The following PODXL variants were observed in gnomAD, a reference collection of about 807,000 sequenced individuals.
PODXL encodes the protein podocalyxin.
A neutral mutation model predicts 48.9 loss-of-function variants in PODXL; 20 were observed. The ratio of observed to expected loss-of-function variants is 0.41; its 90% CI spans 0.29 to 0.59. The LOEUF is 0.59. Among genes scored for constraint, PODXL ranks in the 20% least tolerant of loss-of-function variants. PODXL has a pLI of 0.31. For synonymous variants in PODXL, 295 were observed against 287.4 expected, an observed-to-expected ratio of 1.03 and a Z score of -0.27; for missense variants, 606 against 675.1, an observed-to-expected ratio of 0.90 and a Z score of 1.13.
chr7:131,507,749 C>T (rs1476420903), intron 5 of PODXL, among the ~76,000 whole-genome samples: 3 of 152,176 alleles, frequency 2.0e-5, no homozygotes, highest in African/African-American at 7.2e-5. Context: ...AAGGGCTGGG[C>T]GGGCACCTGA....
chr7:131,545,438 C>T (rs1027497760), intron 1 of PODXL, among the ~76,000 whole-genome samples: 3 of 152,244 alleles, frequency 2.0e-5, no homozygotes, highest in Non-Finnish European at 4.4e-5. Context: ...TTTTAGTACT[C>T]TAAGTCCCAC....
chr7:131,508,819 A>T (rs909296736), intron 5 of PODXL, 132 bp downstream of exon 5: 4 of 734,598 alleles, frequency 5.4e-6, no homozygotes, highest in Non-Finnish European at 9.8e-6. Context: ...CTAGGAAGAA[A>T]TGAGGGCCGG....
intron 1 of PODXL, among the ~76,000 whole-genome samples, chr7:131,523,466 A>T (rs1798120969): frequency 6.6e-6 from 1 of 151,966 alleles, no homozygotes; most frequent in South Asian, 2.1e-4. Context: ...GCAGATCACG[A>T]GGTCAGGAGA....
intron 1 of PODXL, among the ~76,000 whole-genome samples, chr7:131,553,550 G>A (rs542882733): frequency 3.3e-5 from 5 of 152,282 alleles, no homozygotes; most frequent in East Asian, 1.9e-4. Flanking sequence ...ATATATACTC[G>A]CTCATCTTCA....
chr7:131,534,179 C>T (rs981523499), intron 1 of PODXL, among the ~76,000 whole-genome samples: 1 of 152,142 alleles, frequency 6.6e-6, no homozygotes, highest in African/African-American at 2.4e-5. Context: ...TCTGCCCAGA[C>T]CCATGTGGCT....
chr7:131,556,123 C>G, intron 1 of PODXL, 137 bp downstream of exon 1: 5 of 1,208,336 alleles, frequency 4.1e-6, no homozygotes, highest in Non-Finnish European at 5.3e-6. Context: ...AAGGTCAGGG[C>G]TCCGTGTGTG....
chr7:131,541,555 G>C (rs1798481746), intron 1 of PODXL, among the ~76,000 whole-genome samples: 7 of 151,976 alleles, frequency 4.6e-5, no homozygotes, highest in Admixed American at 4.6e-4. Context: ...GCTTGGTGGT[G>C]GGCGTCTCTA....
At chr7:131,533,269 C>G in intron 1 of PODXL, among the ~76,000 whole-genome samples, 1 of 152,174 alleles carries the variant, frequency 6.6e-6, no homozygotes, top group Admixed American at 6.5e-5. Context: ...ACCCTGGCAG[C>G]TGTGAGACTT....
chr7:131,510,447 T>G (rs1384991723), intron 2 of PODXL, 116 bp from the exon 3 acceptor site: 1 of 272,790 alleles, frequency 3.7e-6, no homozygotes, highest in Admixed American at 5.2e-5. Flanking sequence ...GAGGTGGAGG[T>G]TGCAGTGAGC....
intron 7 of PODXL, 105 bp from the exon 8 acceptor site, chr7:131,506,140 C>CA: frequency 6.5e-7 from 1 of 1,542,186 alleles, no homozygotes; most frequent in Admixed American, 1.7e-5. Flanking sequence ...GTCCGTGCCG[C>CA]CGCCCTCTTC....
chr7:131,549,114 C>T (rs1798629302), intron 1 of PODXL, among the ~76,000 whole-genome samples: 1 of 152,036 alleles, frequency 6.6e-6, no homozygotes, highest in South Asian at 2.1e-4. Context: ...GTGACGAGTG[C>T]TATGGAGAAA....
intron 3 of PODXL, among the ~76,000 whole-genome samples, chr7:131,509,887 A>T (rs1406044733): frequency 6.6e-6 from 1 of 152,228 alleles, no homozygotes; most frequent in Non-Finnish European, 1.5e-5. Flanking sequence ...ATAAACAAGG[A>T]AACTGAGGCT....
intron 1 of PODXL, among the ~76,000 whole-genome samples, chr7:131,523,696 A>C: frequency 9.7e-6 from 1 of 103,626 alleles, no homozygotes; most frequent in South Asian, 3.1e-4. Flanking sequence ...AAAAAAAAAA[A>C]AAAAAACAAG....
At chr7:131,544,968 C>G (rs903495125) in intron 1 of PODXL, among the ~76,000 whole-genome samples, 2 of 152,140 alleles carry the variant, frequency 1.3e-5, no homozygotes, top group African/African-American at 2.4e-5. Flanking sequence ...CTGGAATCCC[C>G]TTCTCCAAGC....
At chr7:131,550,799 ACG>A (rs947019225) in intron 1 of PODXL, among the ~76,000 whole-genome samples, 9 of 151,178 alleles carry the variant, frequency 6.0e-5, no homozygotes, top group African/African-American at 2.0e-4. Flanking sequence ...ACACACACAC[ACG>A]CACACACACG....
At position 131,506,881 on chromosome 7, in the gene PODXL, A is replaced by G; in HGVS notation, c.1102-155T>C. 4.1e-6 allele frequency: 3 copies of G among 726,272 alleles called. No individual in the cohort carries two copies. The South Asian group carries it at 5.2e-5, about 13-fold the overall frequency. The allele number at this position is 726,272 out of a possible 1,614,324, so 45.0% of individuals were successfully genotyped here. A position where few individuals can be genotyped will look rare whatever the true frequency, so the allele number is the denominator to read the frequency against. On this transcript the variant is annotated intron_variant, in intron 5 of 8. Transcript: ENST00000378555. Reference sequence around the variant, plus strand: ...AGCTGGTGCTCCACGCAGGCCTGCCAGGAATCAAGGGTTGCATGCTGTTCT... The same window carrying G: ...AGCTGGTGCTCCACGCAGGCCTGCCGGGAATCAAGGGTTGCATGCTGTTCT...
rs564405548 is a variant in PODXL, at chr7:131,508,912, G to T, written c.1101+39C>A. On this transcript the variant is annotated intron_variant, in intron 5 of 8. Coordinates refer to ENST00000378555, the MANE Select transcript of PODXL (RefSeq NM_001018111.3). ...CCTCTCCCTCCCTCAGCCCTGCTGT[G>T]AGCCTGCACCTGGCGGCTCAGATCA... The T allele has an allele frequency of 3.6e-6, 5 of 1,407,654 alleles. No homozygotes were observed. In the African/African-American group the frequency reaches 5.7e-5, roughly 16 times the overall value. 87.2% of individuals were successfully genotyped at this position (1,407,654 alleles called of 1,614,324 possible). A position where few individuals can be genotyped will look rare whatever the true frequency, so the allele number is the denominator to read the frequency against.
chr7:131,529,532 A>G (rs975248270), intron 1 of PODXL, among the ~76,000 whole-genome samples: 4 of 151,946 alleles, frequency 2.6e-5, no homozygotes, highest in African/African-American at 7.3e-5. Flanking sequence ...GTGGGATGAG[A>G]GGCTCTGGCC....
At chr7:131,505,738 G>C in intron 8 of PODXL, 130 bp downstream of exon 8, 1 of 809,018 alleles carries the variant, frequency 1.2e-6, no homozygotes. Context: ...CCTATCAGGG[G>C]TGGCCTCTGC....
Sources: gnomAD v4.1 joint callset for allele counts (sites outside exome capture counted in the v4.1 genomes callset) on GRCh38, gnomAD v4.1.1 for gene constraint, MANE v1.5 for transcripts, NCBI Gene and HGNC (gene_info 2026-07-23, HGNC 2026-07-21) for gene names.